SCAF11: variants seen among roughly 807,000 people sequenced by gnomAD.
The protein encoded by SCAF11 is SR-related CTD associated factor 11.
Under a neutral mutation model 140.5 loss-of-function variants are expected in SCAF11, and 47 were observed. The ratio of observed to expected loss-of-function variants is 0.33; its 90% CI spans 0.26 to 0.43. The LOEUF is 0.43. SCAF11 is among the 20% of genes least tolerant of loss of function. The pLI, the probability that SCAF11 is intolerant of heterozygous loss-of-function variation, is 1.00. For synonymous variants in SCAF11, 557 were observed against 579.4 expected (o/e 0.96, Z 0.55); for missense variants, 1,645 against 1,705.1 (o/e 0.96, Z 0.62).
At position 45,956,944 on chromosome 12, in the gene SCAF11, G is replaced by A. The variant is rs1315550657; in HGVS notation, c.219+4756C>T. The stretch of plus-strand genomic sequence containing the variant: ...TGCTCTACTAAAAAATTTCCCAAAG[G>A]ATTAATTCACAGGGTGAAAATAGTG... On this transcript the variant is annotated intron_variant, in intron 3 of 14. Coordinates refer to ENST00000369367, the MANE Select transcript of SCAF11 (RefSeq NM_004719.3). 4.6e-5 allele frequency among the ~76,000 whole-genome samples: 7 copies of A among 152,074 alleles called. No homozygotes were observed. The South Asian group carries it at 8.3e-4, about 18-fold the overall frequency.
intron 1 of SCAF11, among the ~76,000 whole-genome samples, chr12:45,971,338 G>T (rs1946068058): frequency 6.6e-6 from 1 of 152,218 alleles, no homozygotes; most frequent in African/African-American, 2.4e-5. Context: ...AGGAGTTCCA[G>T]TTCCAGGTAA....
intron 1 of SCAF11, among the ~76,000 whole-genome samples, chr12:45,967,981 C>G (rs1440002385): frequency 1.3e-5 from 2 of 152,214 alleles, no homozygotes; most frequent in Admixed American, 1.3e-4. Context: ...CACACAGAGT[C>G]ATAGTCCTAG....
At chr12:45,962,888 T>G (rs1945860565) in intron 2 of SCAF11, among the ~76,000 whole-genome samples, 1 of 152,224 alleles carries the variant, frequency 6.6e-6, no homozygotes, top group Non-Finnish European at 1.5e-5. Context: ...TTATCAAATG[T>G]AAGCTCATAA....
At position 45,924,906 on chromosome 12, in the gene SCAF11, T is replaced by A; in HGVS notation, c.3728A>T (p.Gln1243Leu). The A allele has an allele frequency of 6.2e-7, 1 of 1,614,160 alleles. No homozygotes were observed. Among genetic ancestry groups the A allele is most frequent in the South Asian group, 1.1e-5 (1 of 91,082 alleles). The part of the protein sequence containing the change: ...VGVHAPLMNI[Q>L]RNPFNIHPQL... ...AGGATGAATGTTAAATGGATTGCGT[T>A]GGATGTTCATCAAAGGAGCATGAAC... is the stretch of plus-strand genomic sequence containing the variant. The change falls in exon 12 of 15, where the codon CAA becomes CTA. Residue 1243 changes from glutamine to leucine, a missense_variant. By Grantham distance (113) the Gln-to-Leu change is moderately radical (BLOSUM62 -2). Coordinates refer to ENST00000369367, the MANE Select transcript of SCAF11 (RefSeq NM_004719.3).
chr12:45,973,676 GAAGA>G (rs1246850787), intron 1 of SCAF11, among the ~76,000 whole-genome samples: 1 of 152,158 alleles, frequency 6.6e-6, no homozygotes, highest in African/African-American at 2.4e-5. Flanking sequence ...ATGCAAGTCA[GAAGA>G]AAGGGGAACA....
chr12:45,985,823 CCTG>C (rs1235347322), intron 1 of SCAF11, among the ~76,000 whole-genome samples: 1 of 152,144 alleles, frequency 6.6e-6, no homozygotes, highest in Non-Finnish European at 1.5e-5. Flanking sequence ...ACCTTACTGT[CCTG>C]CTTGTTCAAA....
At position 45,933,250 on chromosome 12, in the gene SCAF11, G is replaced by GT; in HGVS notation, c.633-19_633-18insA. The GT allele has an allele frequency of 6.5e-7, 1 of 1,547,270 alleles. No homozygotes were observed. The highest frequency in any genetic ancestry group is 8.9e-7 in the Non-Finnish European group (1 of 1,128,284). ...ATTCTGTACTAAAAGATAAATTTTA[G>GT]ACCTTCATCAGAATCTCACAATTTT... On this transcript the variant is annotated intron_variant, in intron 8 of 14. Transcript: ENST00000369367.
At chr12:45,986,378 A>G (rs1366023) in intron 1 of SCAF11, among the ~76,000 whole-genome samples, 129,781 of 152,070 alleles carry the variant, frequency 0.85, 55,742 homozygotes, top group African/African-American at 0.95. Context: ...TCTATTAACT[A>G]AGGCCTGCTG....
At chr12:45,934,309 T>A in intron 7 of SCAF11, 24 bp from the exon 8 acceptor site, 1 of 1,500,860 alleles carries the variant, frequency 6.7e-7, no homozygotes. Context: ...AAGTAGTTAG[T>A]GAAACAGCAA....
intron 10 of SCAF11, chr12:45,931,084 C>T (rs1945032651): frequency 6.6e-6 from 1 of 152,322 alleles, no homozygotes; most frequent in South Asian, 2.1e-4. Flanking sequence ...CCCCACCACA[C>T]CTACCCCACC....
intron 8 of SCAF11, among the ~76,000 whole-genome samples, chr12:45,933,708 A>C (rs1432848554): frequency 1.3e-5 from 2 of 152,146 alleles, no homozygotes; most frequent in African/African-American, 4.8e-5. Flanking sequence ...AAATTAAATC[A>C]CACAATCGTA....
At chr12:45,966,966 A>G (rs1345774247) in intron 1 of SCAF11, among the ~76,000 whole-genome samples, 1 of 152,180 alleles carries the variant, frequency 6.6e-6, no homozygotes, top group Admixed American at 6.5e-5. Flanking sequence ...AAAACCTAAG[A>G]GATGTTCAGA....
At chr12:45,991,097 T>C (rs138367681), upstream of SCAF11, among the ~76,000 whole-genome samples, 1 of 152,348 alleles carries the variant, frequency 6.6e-6, no homozygotes, top group African/African-American at 2.4e-5. Flanking sequence ...GATTGAGTGT[T>C]CACCTGGCTG....
At chr12:45,952,074 C>T (rs1945564028) in intron 3 of SCAF11, among the ~76,000 whole-genome samples, 1 of 152,092 alleles carries the variant, frequency 6.6e-6, no homozygotes, top group African/African-American at 2.4e-5. Context: ...CTCCAAATGG[C>T]TCCGAAAGGT....
chr12:45,933,554 AAT>A (rs1565665565), intron 8 of SCAF11, among the ~76,000 whole-genome samples: 1 of 152,162 alleles, frequency 6.6e-6, no homozygotes, highest in Non-Finnish European at 1.5e-5. Flanking sequence ...TTCTAGGTGC[AAT>A]AGTTTCCTAC....
intron 1 of SCAF11, among the ~76,000 whole-genome samples, chr12:45,983,067 G>T (rs1946382395): frequency 6.6e-6 from 1 of 152,174 alleles, no homozygotes; most frequent in South Asian, 2.1e-4. Flanking sequence ...GAAAAATAAT[G>T]ATAATAAAGT....
Position 45,964,307 on chromosome 12 carries a change from A to C in SCAF11, c.-21-119T>G, listed in dbSNP as rs984732364. ...ACATAAAAGAACACAGTACGAGCCA[A>C]GCCAGTTTGTGGATAATCCAGTACT... On this transcript the variant is annotated intron_variant, in intron 1 of 14. Transcript: ENST00000369367. 3 of 586,908 alleles carry C rather than the reference A, an allele frequency of 5.1e-6. No individual in the cohort carries two copies. In the African/African-American group the frequency reaches 5.7e-5, roughly 11 times the overall value. The allele number at this position is 586,908 out of a possible 1,614,324, so 36.4% of individuals were successfully genotyped here.
At chr12:45,953,936 T>A (rs2136585735) in intron 3 of SCAF11, 1 of 812,956 alleles carries the variant, frequency 1.2e-6, no homozygotes. Context: ...AAAACTTGGT[T>A]AATTAACAAA....
rs562769287 is a variant in SCAF11 at position 45,954,138 on chromosome 12, A to T, written c.220-2411T>A. 1.6e-4 allele frequency among the ~76,000 whole-genome samples: 25 copies of T among 152,372 alleles called. No individual in the cohort carries two copies. In the East Asian group the frequency reaches 4.8e-3, roughly 29 times the overall value. ...TTGTATCAGATGCATCAAATCTTTC[A>T]AAGACTCTCAAATCATACAATCTCA... is the stretch of plus-strand genomic sequence containing the variant. On this transcript the variant is annotated intron_variant, in intron 3 of 14. Coordinates refer to ENST00000369367, the MANE Select transcript of SCAF11 (RefSeq NM_004719.3).
Sources: allele counts gnomAD v4.1 joint callset (sites outside exome capture counted in the v4.1 genomes callset), GRCh38; gene constraint gnomAD v4.1.1; transcripts MANE v1.5; gene names NCBI Gene and HGNC (gene_info 2026-07-23, HGNC 2026-07-21).